Variants in SNTG2 observed in about 807,000 individuals in gnomAD.
SNTG2 encodes syntrophin gamma 2, also known as gamma-2-syntrophin.
Under a neutral mutation model 70.9 loss-of-function variants are expected in SNTG2, and 74 were observed. The ratio of observed to expected loss-of-function variants is 1.04; its 90% CI spans 0.86 to 1.27. The LOEUF (loss-of-function observed/expected upper bound fraction) is 1.27. SNTG2 is among the 50% of genes most tolerant of loss of function. The pLI, the probability that SNTG2 is intolerant of heterozygous loss-of-function variation, is 0.00. For synonymous variants in SNTG2, 278 were observed against 273.8 expected, an observed-to-expected ratio of 1.02 and a Z score of -0.15; for missense variants, 717 against 690.7, an observed-to-expected ratio of 1.04 and a Z score of -0.43.
At chr2:1,162,680 T>C (rs1271999292) in intron 6 of SNTG2, among the ~76,000 whole-genome samples, 1 of 152,020 alleles carries the variant, frequency 6.6e-6, no homozygotes, top group Non-Finnish European at 1.5e-5. Context: ...GTCGTCGCCG[T>C]CATGAACCTC....
intron 1 of SNTG2, among the ~76,000 whole-genome samples, chr2:969,276 A>G (rs189970251): frequency 1.3e-5 from 2 of 151,214 alleles, no homozygotes; most frequent in African/African-American, 2.4e-5. Context: ...GCTTTGTAGT[A>G]TAGTTTGAAG....
At chr2:1,072,332 C>CTTTTTTTTTT (rs1242829771) in intron 1 of SNTG2, among the ~76,000 whole-genome samples, 2 of 100,382 alleles carry the variant, frequency 2.0e-5, no homozygotes, top group East Asian at 3.0e-4. Context: ...TTTTCTTTTT[C>CTTTTTTTTTT]TTTTCTTTTT....
rs555848865 is a variant in SNTG2, at chr2:1,083,665, A to G, written c.210+10A>G. 36 of 1,613,760 alleles carry G rather than the reference A, an allele frequency of 2.2e-5. No individual in the cohort carries two copies. Among genetic ancestry groups the G allele is most frequent in the African/African-American group, 2.7e-5 (2 of 75,066 alleles). On this transcript the variant is annotated intron_variant, in intron 2 of 16. Coordinates refer to ENST00000308624, the MANE Select transcript of SNTG2 (RefSeq NM_018968.4). ...CCACCAGGGCAGGAATGTAAGTGCC[A>G]TCACTTCAGGGAAGTCTTGGAGTGT...
chr2:1,310,102 A>C (rs2148250881), intron 15 of SNTG2, among the ~76,000 whole-genome samples: 1 of 152,352 alleles, frequency 6.6e-6, no homozygotes, highest in African/African-American at 2.4e-5. Context: ...TCTGTGTTTC[A>C]AGTAATGAAG....
chr2:1,098,070 A>G, intron 2 of SNTG2, 126 bp from the exon 3 acceptor site: 2 of 1,018,394 alleles, frequency 2.0e-6, no homozygotes, highest in Non-Finnish European at 3.0e-6. Flanking sequence ...TGTCATATTT[A>G]GCCAAAGTTG....
chr2:1,300,369 T>A (rs564289814), intron 14 of SNTG2, among the ~76,000 whole-genome samples: 5 of 152,328 alleles, frequency 3.3e-5, no homozygotes, highest in African/African-American at 1.2e-4. Flanking sequence ...CACAATCCAG[T>A]CTGCTTTAGG....
rs370091761 is a variant in SNTG2, at chr2:1,020,137, A to G, written c.73-63381A>G. Among the ~76,000 whole-genome samples, 4 of 152,310 alleles carry G rather than the reference A, an allele frequency of 2.6e-5. No homozygotes were observed. In the South Asian group the frequency reaches 8.3e-4, roughly 32 times the overall value. Reference sequence around the variant, plus strand: ...GCATGAATCTCTTCTGATATTAACAATGGTGCATTTCAAGTACACAAGCTG... The same window carrying G: ...GCATGAATCTCTTCTGATATTAACAGTGGTGCATTTCAAGTACACAAGCTG... On this transcript the variant is annotated intron_variant, in intron 1 of 16. Coordinates refer to ENST00000308624, the MANE Select transcript of SNTG2 (RefSeq NM_018968.4).
intron 8 of SNTG2, among the ~76,000 whole-genome samples, chr2:1,205,421 T>A (rs1673571295): frequency 6.6e-6 from 1 of 152,182 alleles, no homozygotes; most frequent in Non-Finnish European, 1.5e-5. Context: ...GTGTTGCAGA[T>A]CTCAGGACGA....
At chr2:1,204,787 A>T (rs1293568552) in intron 8 of SNTG2, among the ~76,000 whole-genome samples, 8 of 152,218 alleles carry the variant, frequency 5.3e-5, no homozygotes, top group Admixed American at 5.2e-4. Context: ...GGAAAAAAGC[A>T]TAGTATATAA....
At chr2:1,223,903 G>A (rs996271053) in intron 9 of SNTG2, among the ~76,000 whole-genome samples, 1 of 128,810 alleles carries the variant, frequency 7.8e-6, no homozygotes, top group Admixed American at 7.6e-5. Context: ...CAGCAGACAT[G>A]CGTCCCTCGA....
intron 14 of SNTG2, among the ~76,000 whole-genome samples, chr2:1,278,549 C>G (rs533906899): frequency 6.6e-6 from 1 of 152,274 alleles, no homozygotes; most frequent in East Asian, 1.9e-4. Flanking sequence ...ATTTTAGATT[C>G]CTTACGCATC....
intron 1 of SNTG2, among the ~76,000 whole-genome samples, chr2:1,047,494 C>G (rs1288206423): frequency 6.6e-6 from 1 of 152,188 alleles, no homozygotes; most frequent in Non-Finnish European, 1.5e-5. Context: ...TGTGCTGATA[C>G]TCCTTCAGCT....
At chr2:1,220,928 T>G (rs895771593) in intron 9 of SNTG2, among the ~76,000 whole-genome samples, 1 of 152,212 alleles carries the variant, frequency 6.6e-6, no homozygotes, top group African/African-American at 2.4e-5. Flanking sequence ...CTACCTAAGG[T>G]AGCTCTCCTG....
chr2:1,285,948 A>G (rs180732535), intron 14 of SNTG2, among the ~76,000 whole-genome samples: 1 of 152,026 alleles, frequency 6.6e-6, no homozygotes, highest in Admixed American at 6.5e-5. Context: ...TTCCTTGCGT[A>G]CTCTTCCTTA....
chr2:1,337,184 TTTAAA>T (rs762847370), intron 16 of SNTG2, among the ~76,000 whole-genome samples: 3 of 152,222 alleles, frequency 2.0e-5, no homozygotes, highest in Non-Finnish European at 4.4e-5. Flanking sequence ...GAGTCCCTGC[TTTAAA>T]TTATTCGGGT....
At chr2:1,250,426 T>A (rs961096063) in intron 12 of SNTG2, among the ~76,000 whole-genome samples, 1 of 152,082 alleles carries the variant, frequency 6.6e-6, no homozygotes, top group African/African-American at 2.4e-5. Context: ...TCTATCCCTC[T>A]CTCTTTCTCC....
intron 14 of SNTG2, among the ~76,000 whole-genome samples, chr2:1,270,394 T>G (rs1030671329): frequency 1.3e-5 from 2 of 152,360 alleles, no homozygotes; most frequent in East Asian, 1.9e-4. Flanking sequence ...CGCCTAATAC[T>G]CTATACTAGG....
At chr2:1,253,673 G>T (rs540524766) in intron 12 of SNTG2, among the ~76,000 whole-genome samples, 1 of 152,144 alleles carries the variant, frequency 6.6e-6, no homozygotes, top group Non-Finnish European at 1.5e-5. Context: ...GTATTCGTCT[G>T]TGTTCACATT....
intron 4 of SNTG2, among the ~76,000 whole-genome samples, chr2:1,129,312 C>T (rs867986211): frequency 7.2e-5 from 11 of 152,184 alleles, no homozygotes; most frequent in African/African-American, 9.6e-5. Flanking sequence ...TGATAAATGA[C>T]AAGATGAAGT....
Sources: allele counts gnomAD v4.1 joint callset (sites outside exome capture counted in the v4.1 genomes callset), GRCh38; gene constraint gnomAD v4.1.1; transcripts MANE v1.5; gene names NCBI Gene and HGNC (gene_info 2026-07-23, HGNC 2026-07-21).